The following PXDNL variants were observed in gnomAD, a reference collection of about 807,000 sequenced individuals.
PXDNL encodes probable oxidoreductase PXDNL.
In PXDNL, 145 loss-of-function variants were observed where a neutral mutation model predicts 150.8. That is an observed-to-expected ratio of 0.96 (90% CI 0.84 to 1.10). The LOEUF is 1.10. PXDNL is among the 50% of genes least tolerant of loss of function. PXDNL has a pLI of 0.00. For synonymous variants in PXDNL, 757 were observed against 725.7 expected (o/e 1.04, Z -0.69); for missense variants, 2,087 against 1,873.9 (o/e 1.11, Z -2.10).
chr8:51,485,351 G>A (rs368111238), intron 5 of PXDNL, among the ~76,000 whole-genome samples: 17 of 152,154 alleles, frequency 1.1e-4, no homozygotes, highest in African/African-American at 4.1e-4. Context: ...ATGATGATGT[G>A]AAGATGGATA....
rs1486042589 is a variant in PXDNL at position 51,735,745 on chromosome 8, A to C, written c.164+73436T>G. Reference sequence around the variant, plus strand: ...GTATTTTTAGTAGAGACGGGGTTTCACCGTTTTAGCCGGGATGGTCTCGAT... The same window carrying C: ...GTATTTTTAGTAGAGACGGGGTTTCCCCGTTTTAGCCGGGATGGTCTCGAT... On this transcript the variant is annotated intron_variant, in intron 1 of 22. Coordinates refer to ENST00000356297, the MANE Select transcript of PXDNL (RefSeq NM_144651.5). 6.7e-5 allele frequency among the ~76,000 whole-genome samples: 10 copies of C among 149,744 alleles called. No individual in the cohort carries two copies. The South Asian group carries it at 1.5e-3, about 22-fold the overall frequency.
chr8:51,616,030 T>C (rs999365722), intron 2 of PXDNL, among the ~76,000 whole-genome samples: 6 of 152,120 alleles, frequency 3.9e-5, no homozygotes, highest in African/African-American at 1.4e-4. Flanking sequence ...TGGCCCCACA[T>C]GCTAAACCAC....
At chr8:51,424,401 A>C (rs1263097499) in intron 13 of PXDNL, among the ~76,000 whole-genome samples, 5 of 152,140 alleles carry the variant, frequency 3.3e-5, no homozygotes, top group Non-Finnish European at 1.5e-5. Flanking sequence ...AACGAGGAGA[A>C]GTATGCTCAC....
chr8:51,626,163 G>A (rs990361440), intron 2 of PXDNL, among the ~76,000 whole-genome samples: 2 of 152,214 alleles, frequency 1.3e-5, no homozygotes, highest in Admixed American at 6.5e-5. Context: ...AGATAATAAC[G>A]AGAATGAACA....
chr8:51,614,550 G>C lies in PXDNL; in HGVS notation c.237-21852C>G, dbSNP rs59268631. On this transcript the variant is annotated intron_variant, in intron 2 of 22. Coordinates refer to ENST00000356297, the MANE Select transcript of PXDNL (RefSeq NM_144651.5). ...TCTGAACCTATTCTGGTTGGGAGTA[G>C]AGATGACCAATTCACGAATTGTTAC... 2.5e-3 allele frequency among the ~76,000 whole-genome samples: 385 copies of C among 152,300 alleles called. 1 individual carries two copies. The highest frequency in any genetic ancestry group is 8.8e-3 in the African/African-American group (366 of 41,564).
chr8:51,759,269 A>C (rs764581274), intron 1 of PXDNL, among the ~76,000 whole-genome samples: 41 of 152,178 alleles, frequency 2.7e-4, no homozygotes, highest in Admixed American at 1.3e-3. Flanking sequence ...CTTAGAATTC[A>C]CATCTCTGCT....
At chr8:51,707,820 AG>A (rs1449589859) in intron 1 of PXDNL, among the ~76,000 whole-genome samples, 1 of 152,134 alleles carries the variant, frequency 6.6e-6, no homozygotes, top group Non-Finnish European at 1.5e-5. Context: ...AATATCTTTC[AG>A]GTCAGTTTAT....
At chr8:51,523,415 T>C (rs1267869834) in intron 4 of PXDNL, among the ~76,000 whole-genome samples, 1 of 152,198 alleles carries the variant, frequency 6.6e-6, no homozygotes, top group East Asian at 1.9e-4. Flanking sequence ...TATGGGAAAA[T>C]CACTGACTTG....
intron 1 of PXDNL, among the ~76,000 whole-genome samples, chr8:51,719,651 A>G (rs550426158): frequency 1.3e-5 from 2 of 152,124 alleles, no homozygotes; most frequent in African/African-American, 4.8e-5. Context: ...AAAAAAAAAA[A>G]AAAACTATTT....
chr8:51,525,625 G>A (rs1370665819), intron 4 of PXDNL, among the ~76,000 whole-genome samples: 15 of 152,108 alleles, frequency 9.9e-5, no homozygotes, highest in Non-Finnish European at 5.9e-5. Context: ...ATTCTAGTGT[G>A]GTGAGTCTGA....
chr8:51,695,651 T>C lies in PXDNL; in HGVS notation c.165-40891A>G, dbSNP rs549669952. On this transcript the variant is annotated intron_variant, in intron 1 of 22. Transcript: ENST00000356297. ...TAACTGTTCCCTCCCCAAGTGAAAA[T>C]GGCAGCCATTTGTATGAGGCAGTAT... 1.0e-3 allele frequency among the ~76,000 whole-genome samples: 156 copies of C among 152,192 alleles called. 6 individuals are homozygous for C. The South Asian group carries it at 0.031, about 30-fold the overall frequency.
chr8:51,612,730 C>G (rs891722304), intron 2 of PXDNL, among the ~76,000 whole-genome samples: 1 of 152,204 alleles, frequency 6.6e-6, no homozygotes, highest in South Asian at 2.1e-4. Flanking sequence ...CCTGGAAGAG[C>G]CCTCGCCAGC....
chr8:51,467,534 G>A (rs1256062707), intron 8 of PXDNL, among the ~76,000 whole-genome samples: 1 of 152,002 alleles, frequency 6.6e-6, no homozygotes, highest in East Asian at 1.9e-4. Context: ...CACTTCTTGG[G>A]TAGTGGTTCT....
chr8:51,460,369 T>A (rs1586124995), intron 8 of PXDNL, among the ~76,000 whole-genome samples: 1 of 148,688 alleles, frequency 6.7e-6, no homozygotes, highest in Non-Finnish European at 1.5e-5. Context: ...TTTACTAGAA[T>A]ATGAATTTAT....
intron 1 of PXDNL, among the ~76,000 whole-genome samples, chr8:51,744,991 AGGG>A (rs1475530512): frequency 0.13 from 356 of 2,842 alleles, 28 homozygotes; most frequent in Middle Eastern, 0.5. Flanking sequence ...AAAGAAAGAA[AGGG>A]AGGGAGGGAA....
At chr8:51,464,903 A>G (rs1475471888) in intron 8 of PXDNL, among the ~76,000 whole-genome samples, 2 of 152,180 alleles carry the variant, frequency 1.3e-5, no homozygotes, top group Non-Finnish European at 2.9e-5. Context: ...CTGAAATTGA[A>G]TCTGTAATAA....
intron 21 of PXDNL, 158 bp from the exon 22 acceptor site, chr8:51,321,055 A>T: frequency 3.3e-6 from 2 of 601,980 alleles, no homozygotes. Flanking sequence ...TTCCCCCAGG[A>T]CTTAATGAGC....
At chr8:51,404,157 C>G (rs922825872) in intron 17 of PXDNL, among the ~76,000 whole-genome samples, 1 of 152,228 alleles carries the variant, frequency 6.6e-6, no homozygotes, top group African/African-American at 2.4e-5. Context: ...CTCATAAAGG[C>G]AGTGTGAACC....
intron 4 of PXDNL, among the ~76,000 whole-genome samples, chr8:51,551,926 C>G (rs1812496286): frequency 6.6e-6 from 1 of 152,140 alleles, no homozygotes; most frequent in African/African-American, 2.4e-5. Context: ...AACTATGCAG[C>G]TGACAAAGGA....
Sources: allele counts gnomAD v4.1 joint callset (sites outside exome capture counted in the v4.1 genomes callset), GRCh38; gene constraint gnomAD v4.1.1; transcripts MANE v1.5; gene names NCBI Gene and HGNC (gene_info 2026-07-23, HGNC 2026-07-21).